The following MOB1B variants were observed in gnomAD, a reference collection of about 807,000 sequenced individuals.
MOB1B encodes the protein MOB1 Mps One Binder homolog B.
MOB1B carries 19 observed loss-of-function variants against 24.4 expected under a neutral mutation model. That is an observed-to-expected ratio of 0.78 (90% CI 0.54 to 1.14). The LOEUF (loss-of-function observed/expected upper bound fraction) is 1.14. Among genes scored for constraint, MOB1B ranks in the 50% most tolerant of loss-of-function variants. The probability of loss-of-function intolerance (pLI) is 0.00; values close to 1 mark genes in which losing one functional copy is unlikely to be tolerated. For missense variants in MOB1B, 243 were observed against 259.6 expected, an observed-to-expected ratio of 0.94 and a Z score of 0.44; for synonymous variants, 76 against 82.1, an observed-to-expected ratio of 0.93 and a Z score of 0.40.
Position 70,968,366 on chromosome 4 carries a change from T to TA in MOB1B, c.182-1565_182-1564insA, listed in dbSNP as rs575349160. On this transcript the variant is annotated intron_variant, in intron 2 of 5. Coordinates refer to ENST00000309395, the MANE Select transcript of MOB1B (RefSeq NM_173468.4). ...TGCTCTTGTTGCCTAGGCTGGAGTG[T>TA]GATGGCACGATCTCGGGTCACTGCA... Among the ~76,000 whole-genome samples, 140 of 152,238 alleles carry TA rather than the reference T, an allele frequency of 9.2e-4. 1 individual carries two copies. Among genetic ancestry groups the TA allele is most frequent in the African/African-American group, 3.2e-3 (133 of 41,544 alleles).
intron 1 of MOB1B, among the ~76,000 whole-genome samples, chr4:70,905,271 C>T (rs949217782): frequency 1.3e-5 from 2 of 151,660 alleles, no homozygotes; most frequent in Admixed American, 1.3e-4. Flanking sequence ...CAGGATCTCA[C>T]TCTGTCGACC....
At chr4:70,935,820 G>GT (rs1219429321) in intron 1 of MOB1B, among the ~76,000 whole-genome samples, 1 of 148,846 alleles carries the variant, frequency 6.7e-6, no homozygotes, top group Non-Finnish European at 1.5e-5. Context: ...GGGACTACAG[G>GT]TGTGTACCAC....
chr4:70,906,865 G>A (rs1267591407), intron 1 of MOB1B, among the ~76,000 whole-genome samples: 2 of 152,152 alleles, frequency 1.3e-5, no homozygotes, highest in South Asian at 2.1e-4. Context: ...CAGGCGTAGA[G>A]GAAGATAAGA....
At chr4:70,949,513 GA>G (rs2148889152) in intron 1 of MOB1B, among the ~76,000 whole-genome samples, 1 of 152,316 alleles carries the variant, frequency 6.6e-6, no homozygotes, top group African/African-American at 2.4e-5. Context: ...ACATTTGGGG[GA>G]AATTGGTGTA....
At chr4:70,961,933 A>C (rs1313900155) in intron 2 of MOB1B, among the ~76,000 whole-genome samples, 1 of 152,208 alleles carries the variant, frequency 6.6e-6, no homozygotes, top group Non-Finnish European at 1.5e-5. Flanking sequence ...AATCCTGAAG[A>C]ATATAAGGAG....
chr4:70,974,257 C>T (rs1209847413), intron 3 of MOB1B, among the ~76,000 whole-genome samples: 2 of 151,856 alleles, frequency 1.3e-5, no homozygotes, highest in African/African-American at 2.4e-5. Context: ...CTGGTTCAAG[C>T]GATTTCTGGC....
chr4:70,956,339 A>G lies in MOB1B; in HGVS notation c.15-2535A>G, dbSNP rs188831912. The stretch of plus-strand genomic sequence containing the variant: ...GAGGGAGCCCCACTGTGTTGCCCAG[A>G]TTTGTCTTGAACTCCTAGGTTCAGG... On this transcript the variant is annotated intron_variant, in intron 1 of 5. Transcript: ENST00000309395. 3.3e-4 allele frequency among the ~76,000 whole-genome samples: 50 copies of G among 152,124 alleles called. 1 individual carries two copies. The highest frequency in any genetic ancestry group is 3.3e-3 in the Admixed American group (50 of 15,282).
intron 1 of MOB1B, among the ~76,000 whole-genome samples, chr4:70,958,187 C>T (rs1439924646): frequency 3.6e-4 from 52 of 145,074 alleles, no homozygotes; most frequent in African/African-American, 1.3e-3. Context: ...TTTTTTGAGA[C>T]GGAATCTCAC....
At chr4:70,975,103 T>TATATATTTATTA (rs1341405316) in intron 3 of MOB1B, 50 bp from the exon 4 acceptor site, 1 of 1,413,468 alleles carries the variant, frequency 7.1e-7, no homozygotes. Context: ...ATATACACTG[T>TATATATTTATTA]GTATAGGTAT....
rs556487403 is a variant in MOB1B at position 70,987,004 on chromosome 4, A to C, written c.*4947A>C. On this transcript the variant is annotated 3_prime_UTR_variant, in exon 6 of 6. Coordinates refer to ENST00000309395, the MANE Select transcript of MOB1B (RefSeq NM_173468.4). The stretch of plus-strand genomic sequence containing the variant: ...ACTTTTTCTGCATATAGAACTAAAT[A>C]ATTGAAAAATATGGGCTATAGTTCT... The C allele has an allele frequency of 6.6e-6, 1 of 152,184 alleles. No individual in the cohort carries two copies. The highest frequency in any genetic ancestry group is 1.5e-5 in the Non-Finnish European group (1 of 67,996). The allele number at this position is 152,184 out of a possible 1,614,324, so 9.4% of individuals were successfully genotyped here. A position where few individuals can be genotyped will look rare whatever the true frequency, so the allele number is the denominator to read the frequency against.
At position 70,938,125 on chromosome 4, in the gene MOB1B, CT is replaced by C. The variant is rs1737159597; in HGVS notation, c.15-20745del. ...AGCTTCCTTCCAGTGTCTGGTAACT[CT>C]TTTGCTTTCTGCTTTTATTTATAAG... is the stretch of plus-strand genomic sequence containing the variant. On this transcript the variant is annotated intron_variant, in intron 1 of 5. Transcript: ENST00000309395. Among the ~76,000 whole-genome samples the C allele has an allele frequency of 2.0e-5, 3 of 151,706 alleles. No individual in the cohort carries two copies. The South Asian group carries it at 6.2e-4, about 32-fold the overall frequency.
intron 1 of MOB1B, among the ~76,000 whole-genome samples, chr4:70,903,974 C>CTTTTTTTTTTTTTATTTTTT: frequency 1.2e-5 from 1 of 81,006 alleles, no homozygotes; most frequent in Non-Finnish European, 2.1e-5. Flanking sequence ...TATTTTAGTT[C>CTTTTTTTTTTTTTATTTTTT]TTTTTTTTTT....
chr4:70,948,084 C>T (rs1428239769), intron 1 of MOB1B, among the ~76,000 whole-genome samples: 1 of 152,054 alleles, frequency 6.6e-6, no homozygotes. Flanking sequence ...TCATCTAATT[C>T]ATGTTAAGTT....
At chr4:70,945,574 A>G (rs561535117) in intron 1 of MOB1B, among the ~76,000 whole-genome samples, 3 of 152,346 alleles carry the variant, frequency 2.0e-5, no homozygotes, top group African/African-American at 7.2e-5. Flanking sequence ...ACAAATGTCT[A>G]AAGTATTTGC....
At chr4:70,920,945 A>G (rs909930709) in intron 1 of MOB1B, among the ~76,000 whole-genome samples, 1 of 152,220 alleles carries the variant, frequency 6.6e-6, no homozygotes, top group Non-Finnish European at 1.5e-5. Context: ...TTCCAGATAA[A>G]TGGAACAAAT....
chr4:70,959,618 A>G (rs1027510299), intron 2 of MOB1B, among the ~76,000 whole-genome samples: 1 of 152,202 alleles, frequency 6.6e-6, no homozygotes, highest in African/African-American at 2.4e-5. Context: ...TCATGTGTCA[A>G]ACACTGTATA....
intron 1 of MOB1B, among the ~76,000 whole-genome samples, chr4:70,918,307 C>T (rs1434333032): frequency 6.6e-6 from 1 of 151,602 alleles, no homozygotes; most frequent in African/African-American, 2.4e-5. Context: ...GTCCCACCAA[C>T]AGTGTAAAAG....
intron 1 of MOB1B, among the ~76,000 whole-genome samples, chr4:70,947,636 A>G (rs1285555169): frequency 2.0e-5 from 3 of 151,418 alleles, no homozygotes; most frequent in Non-Finnish European, 1.5e-5. Context: ...TTATTTATTT[A>G]TTTATTTTGA....
At position 70,959,067 on chromosome 4, in the gene MOB1B, G is replaced by A. The variant is rs367700829; in HGVS notation, c.181+27G>A. ...TAAGTAGCCTTTTTATTTCTCAGTAGCCTGTGAATTAGGGTAATAGCCTCA... is the reference window on the plus strand; with the variant it reads ...TAAGTAGCCTTTTTATTTCTCAGTAACCTGTGAATTAGGGTAATAGCCTCA... On this transcript the variant is annotated intron_variant, in intron 2 of 5. Coordinates refer to ENST00000309395, the MANE Select transcript of MOB1B (RefSeq NM_173468.4). 34 of 1,601,060 alleles carry A rather than the reference G, an allele frequency of 2.1e-5. No individual in the cohort carries two copies. The African/African-American group carries it at 3.5e-4, about 16-fold the overall frequency.
Sources: gnomAD v4.1 joint callset for allele counts (sites outside exome capture counted in the v4.1 genomes callset) on GRCh38, gnomAD v4.1.1 for gene constraint, MANE v1.5 for transcripts, NCBI Gene and HGNC (gene_info 2026-07-23, HGNC 2026-07-21) for gene names.